CNTNAP5: variants seen among roughly 807,000 people sequenced by gnomAD.
CNTNAP5 encodes contactin associated protein family member 5, also known as contactin-associated protein-like 5.
In CNTNAP5, 72 loss-of-function variants were observed where a neutral mutation model predicts 150.2. The ratio of observed to expected loss-of-function variants is 0.48; its 90% CI spans 0.40 to 0.58. CNTNAP5 has a LOEUF of 0.58. Among genes scored for constraint, CNTNAP5 ranks in the 20% least tolerant of loss-of-function variants. CNTNAP5 has a pLI of 0.00. For missense variants in CNTNAP5, 1,636 were observed against 1,626.2 expected, an observed-to-expected ratio of 1.01 and a Z score of -0.10; for synonymous variants, 672 against 619.8, an observed-to-expected ratio of 1.08 and a Z score of -1.25.
rs1277224224 is a variant in CNTNAP5, at chr2:124,657,374, C to T, written c.2077+9416C>T. On this transcript the variant is annotated intron_variant, in intron 13 of 23. Transcript: ENST00000682447. ...CTTCATCTACTGAGTTTTTTAAGACCAAAACCTACGATTCCTTCCTCTTCA... is the reference window on the plus strand; with the variant it reads ...CTTCATCTACTGAGTTTTTTAAGACTAAAACCTACGATTCCTTCCTCTTCA... 3.9e-5 allele frequency among the ~76,000 whole-genome samples: 6 copies of T among 152,118 alleles called. No homozygotes were observed. The East Asian group carries it at 1.2e-3, about 29-fold the overall frequency.
intron 13 of CNTNAP5, among the ~76,000 whole-genome samples, chr2:124,679,968 G>A (rs541404013): frequency 1.3e-3 from 191 of 151,652 alleles, no homozygotes; most frequent in Non-Finnish European, 2.1e-3. Context: ...CGAGACCCCC[G>A]CCCCCACAAC....
chr2:124,884,922 C>A (rs1678047462), intron 21 of CNTNAP5, among the ~76,000 whole-genome samples: 1 of 151,962 alleles, frequency 6.6e-6, no homozygotes, highest in Non-Finnish European at 1.5e-5. Context: ...GCTTTACTTG[C>A]GAGAGAATTG....
At chr2:124,130,631 G>A (rs1464410014) in intron 1 of CNTNAP5, among the ~76,000 whole-genome samples, 1 of 152,024 alleles carries the variant, frequency 6.6e-6, no homozygotes, top group African/African-American at 2.4e-5. Flanking sequence ...GTCCTCCATG[G>A]AAGTTTCACT....
intron 1 of CNTNAP5, among the ~76,000 whole-genome samples, chr2:124,192,190 C>T (rs1435139315): frequency 6.6e-6 from 1 of 152,126 alleles, no homozygotes; most frequent in Non-Finnish European, 1.5e-5. Flanking sequence ...TCTCTGGTGT[C>T]TGTGGGGCTC....
At chr2:124,582,148 C>T in intron 11 of CNTNAP5, among the ~76,000 whole-genome samples, 1 of 152,086 alleles carries the variant, frequency 6.6e-6, no homozygotes, top group East Asian at 1.9e-4. Flanking sequence ...CGATTCCATG[C>T]CATTTAGCAG....
intron 19 of CNTNAP5, among the ~76,000 whole-genome samples, chr2:124,853,210 C>T (rs1245609099): frequency 1.3e-5 from 2 of 152,154 alleles, no homozygotes; most frequent in East Asian, 1.9e-4. Context: ...GATGTGAGGG[C>T]CATAGTGCTT....
chr2:124,540,879 G>T (rs1183442646), intron 10 of CNTNAP5, among the ~76,000 whole-genome samples: 1 of 152,126 alleles, frequency 6.6e-6, no homozygotes, highest in Non-Finnish European at 1.5e-5. Context: ...AATACCATGA[G>T]TGTCCTCATG....
At chr2:124,183,023 C>A (rs1685245777) in intron 1 of CNTNAP5, among the ~76,000 whole-genome samples, 1 of 152,164 alleles carries the variant, frequency 6.6e-6, no homozygotes, top group Non-Finnish European at 1.5e-5. Flanking sequence ...ACATGGAAGA[C>A]CCTCCACCTT....
intron 7 of CNTNAP5, among the ~76,000 whole-genome samples, chr2:124,492,101 G>A (rs988726966): frequency 6.6e-6 from 1 of 152,014 alleles, no homozygotes; most frequent in Non-Finnish European, 1.5e-5. Flanking sequence ...CCTTTGCTGT[G>A]CAGAAATTTG....
chr2:124,054,142 AG>A (rs1158177269), intron 1 of CNTNAP5, among the ~76,000 whole-genome samples: 1 of 152,146 alleles, frequency 6.6e-6, no homozygotes, highest in Admixed American at 6.5e-5. Flanking sequence ...AAGCAAACAG[AG>A]GCCAAAAAAT....
chr2:124,049,482 CTA>C (rs1228283654), intron 1 of CNTNAP5, among the ~76,000 whole-genome samples: 1 of 152,184 alleles, frequency 6.6e-6, no homozygotes, highest in Non-Finnish European at 1.5e-5. Context: ...GTATACAGAA[CTA>C]TATTTTTTAA....
chr2:124,905,036 A>G (rs2104762188), intron 22 of CNTNAP5, among the ~76,000 whole-genome samples: 1 of 145,396 alleles, frequency 6.9e-6, no homozygotes, highest in Non-Finnish European at 1.5e-5. Context: ...ATAACTCAAT[A>G]GCAAAAAAAA....
rs182035898 is a variant in CNTNAP5 at position 124,599,209 on chromosome 2, C to A, written c.1757-10592C>A. On this transcript the variant is annotated intron_variant, in intron 11 of 23. Transcript: ENST00000682447. ...ATCTCTGATTCAATTAAAATTTGAT[C>A]GTGGTCTGCAGTATGAGGAGTGGAT... Among the ~76,000 whole-genome samples, 102 of 152,276 alleles carry A rather than the reference C, an allele frequency of 6.7e-4. 1 individual carries two copies. The East Asian group carries it at 0.02, about 29-fold the overall frequency.
chr2:124,752,291 G>C (rs148533468), intron 14 of CNTNAP5, among the ~76,000 whole-genome samples: 1 of 152,072 alleles, frequency 6.6e-6, no homozygotes, highest in Non-Finnish European at 1.5e-5. Context: ...CTGGGTTCAA[G>C]CAATCCTCCC....
chr2:124,148,069 A>G (rs1404205933), intron 1 of CNTNAP5, among the ~76,000 whole-genome samples: 1 of 152,172 alleles, frequency 6.6e-6, no homozygotes, highest in Non-Finnish European at 1.5e-5. Flanking sequence ...CCTCACACCA[A>G]GGTTTCACAG....
At chr2:124,623,381 A>T (rs1008407528) in intron 12 of CNTNAP5, among the ~76,000 whole-genome samples, 6 of 152,134 alleles carry the variant, frequency 3.9e-5, no homozygotes, top group Admixed American at 2.6e-4. Flanking sequence ...CATGGCTTAC[A>T]ATGTTTGAAG....
intron 13 of CNTNAP5, among the ~76,000 whole-genome samples, chr2:124,676,761 C>A (rs899228785): frequency 6.6e-6 from 1 of 152,182 alleles, no homozygotes; most frequent in Non-Finnish European, 1.5e-5. Context: ...AGTTAAAGCA[C>A]CATAATAAGC....
intron 19 of CNTNAP5, among the ~76,000 whole-genome samples, chr2:124,824,936 T>G (rs957113632): frequency 6.6e-6 from 1 of 152,236 alleles, no homozygotes; most frequent in African/African-American, 2.4e-5. Context: ...AAACAAAGAT[T>G]AGTTGACATT....
chr2:124,706,829 A>G (rs1679661039), intron 13 of CNTNAP5, among the ~76,000 whole-genome samples: 2 of 2,664 alleles, frequency 7.5e-4, no homozygotes, highest in Non-Finnish European at 1.4e-3. Flanking sequence ...GAGGAGGAAG[A>G]GGAGGAGGGG....
Sources: allele counts gnomAD v4.1 joint callset (sites outside exome capture counted in the v4.1 genomes callset), GRCh38; gene constraint gnomAD v4.1.1; transcripts MANE v1.5; gene names NCBI Gene and HGNC (gene_info 2026-07-23, HGNC 2026-07-21).